VWA5B2: variants seen among roughly 807,000 people sequenced by gnomAD.
VWA5B2 encodes the protein von Willebrand factor A domain-containing protein 5B2.
In VWA5B2, 93 loss-of-function variants were observed where a neutral mutation model predicts 118.5. The ratio of observed to expected loss-of-function variants is 0.79; its 90% CI spans 0.66 to 0.93. The LOEUF (loss-of-function observed/expected upper bound fraction) is 0.93, where lower values mean the gene tolerates loss of function less well. Among genes scored for constraint, VWA5B2 ranks in the 40% least tolerant of loss-of-function variants. VWA5B2 has a pLI of 0.00. For missense variants in VWA5B2, 1,546 were observed against 1,672.8 expected (o/e 0.92, Z 1.32); for synonymous variants, 708 against 716.3 (o/e 0.99, Z 0.19).
chr3:184,240,281 G>A (rs1165854947), intron 16 of VWA5B2: 2 of 433,440 alleles, frequency 4.6e-6, no homozygotes, highest in African/African-American at 4.0e-5. Flanking sequence ...ATCAGATCCA[G>A]AACTGACAAG....
chr3:184,236,680 C>G lies in VWA5B2; in HGVS notation c.1464C>G (p.Leu488=). The G allele has an allele frequency of 6.4e-7, 1 of 1,551,432 alleles. No homozygotes were observed. Among genetic ancestry groups the G allele is most frequent in the South Asian group, 1.2e-5 (1 of 84,050 alleles). The part of the protein sequence containing the change: ...FGLGPTCHQL[L]QGLSALSRGQ... ...TGGGGCCCACCTGCCACCAGCTGCT[C>G]CAGGGTTTATCTGCCCTCAGCAGAG... Residue 488 remains leucine (L), a synonymous_variant, in exon 11 of 20, where the codon CTC becomes CTG. Transcript: ENST00000691901.
rs1326357025 is a variant in VWA5B2 at position 184,237,411 on chromosome 3, G to T, written c.1719G>T (p.Gly573=). 4 of 1,546,828 alleles carry T rather than the reference G, an allele frequency of 2.6e-6. No homozygotes were observed. The highest frequency in any genetic ancestry group is 3.5e-6 in the Non-Finnish European group (4 of 1,143,866). ...RVDGFRSRPP[G]GQEPGWQSSG... Reference sequence around the variant, plus strand: ...ATGGCTTCCGGTCCCGCCCACCAGGGGTAAGCTTGGGCTGGGGTGTGGTAG... The same window carrying T: ...ATGGCTTCCGGTCCCGCCCACCAGGTGTAAGCTTGGGCTGGGGTGTGGTAG... Residue 573 remains glycine, a splice_region_variant and synonymous_variant, in exon 12 of 20, where the codon GGG becomes GGT. Coordinates refer to ENST00000691901, the MANE Select transcript of VWA5B2 (RefSeq NM_001390846.1). This position sits in a 1 kb window ranked among gnomAD's most constrained non-coding sequence, Gnocchi z 5.6.
At chr3:184,230,303 C>G (rs1717246192) in intron 1 of VWA5B2, 77 bp from the exon 2 acceptor site, 1 of 481,350 alleles carries the variant, frequency 2.1e-6, no homozygotes, top group Non-Finnish European at 3.5e-6. Context: ...CCCGGCTGCC[C>G]AGGTAACGCG....
Position 184,233,673 on chromosome 3 carries a change from T to C in VWA5B2, c.628T>C (p.Cys210Arg), listed in dbSNP as rs1717651666. 6.4e-7 allele frequency: 1 copy of C among 1,551,192 alleles called. No individual in the cohort carries two copies. Among genetic ancestry groups the C allele is most frequent in the South Asian group, 1.2e-5 (1 of 84,052 alleles). Residue 210 changes from cysteine to arginine, a missense_variant, in exon 5 of 20, where the codon TGC becomes CGC. Around this residue, in one of 3 missense-constraint regions of VWA5B2, gnomAD observed 775 missense variants for 882.3 expected, o/e 0.88. Transcript: ENST00000691901. The surrounding 1 kb of genome is among the most constrained non-coding windows in gnomAD (Gnocchi z 5.2). ...GGACGTGTTCTCAGGCCCTGCCCGC[T>C]GCCCTGCCCCATATACCTTCTCCTT... ...PRDVFSGPAR[C>R]PAPYTFSFEM...
In VWA5B2 at chr3:184,234,763, C is replaced by T; in HGVS notation, c.945+8C>T. The T allele has an allele frequency of 2.6e-6, 4 of 1,551,188 alleles. No individual in the cohort carries two copies. Among genetic ancestry groups the T allele is most frequent in the Non-Finnish European group, 3.5e-6 (4 of 1,146,972 alleles). ...AGTGATGGGGACCGGCAGGTACCGC[C>T]ATAGGAGCCTGGCCTGGCCCCTGGC... On this transcript the variant is annotated splice_region_variant and intron_variant, in intron 7 of 19. Coordinates refer to ENST00000691901, the MANE Select transcript of VWA5B2 (RefSeq NM_001390846.1).
chr3:184,236,551 G>C lies in VWA5B2; in HGVS notation c.1421G>C (p.Arg474Thr), dbSNP rs1718021366. ...ELMRWHRGTA[R>T]CFSFGLGPTC... ...ATGAGGTGGCACAGGGGGACAGCCA[G>C]GTATGGGATGGGCAGAACCAGATGC... Residue 474 changes from arginine (R) to threonine (T), a missense_variant and splice_region_variant, in exon 10 of 20, where the codon AGA becomes ACA. Arg to Thr is a moderately conservative substitution (Grantham distance 71, BLOSUM62 -1). Coordinates refer to ENST00000691901, the MANE Select transcript of VWA5B2 (RefSeq NM_001390846.1). 10 of 1,550,950 alleles carry C rather than the reference G, an allele frequency of 6.4e-6. No individual in the cohort carries two copies. The highest frequency in any genetic ancestry group is 8.7e-6 in the Non-Finnish European group (10 of 1,146,866).
At position 184,239,952 on chromosome 3, in the gene VWA5B2, C is replaced by T; in HGVS notation, c.2656C>T (p.Leu886Phe). Residue 886 changes from leucine to phenylalanine, a missense_variant, in exon 16 of 20, where the codon CTC becomes TTC. Coordinates refer to ENST00000691901, the MANE Select transcript of VWA5B2 (RefSeq NM_001390846.1). This position sits in a 1 kb window ranked among gnomAD's most constrained non-coding sequence, Gnocchi z 5.1. ...AAGAGAAGCTGCTTGGGACCAAGCA[C>T]TCCATCGGCTGACAGCAGCCTCTGT... ...PVREAAWDQA[L>F]HRLTAASVVR... 1 of 1,550,998 alleles carries T rather than the reference C, an allele frequency of 6.4e-7. No individual in the cohort carries two copies. The highest frequency in any genetic ancestry group is 8.7e-7 in the Non-Finnish European group (1 of 1,146,974).
Position 184,237,440 on chromosome 3 carries a change from G to T in VWA5B2, c.1719+29G>T, listed in dbSNP as rs1047156513. The T allele has an allele frequency of 3.3e-6, 5 of 1,533,764 alleles. No individual in the cohort carries two copies. The highest frequency in any genetic ancestry group is 4.4e-6 in the Non-Finnish European group (5 of 1,134,910). On this transcript the variant is annotated intron_variant, in intron 12 of 19. Coordinates refer to ENST00000691901, the MANE Select transcript of VWA5B2 (RefSeq NM_001390846.1). This position sits in a 1 kb window ranked among gnomAD's most constrained non-coding sequence, Gnocchi z 5.6. ...AGCTTGGGCTGGGGTGTGGTAGGGG[G>T]GCTAGGGTGAGGTAGGGGGGCCTGG...
rs879894993 is a variant in VWA5B2, at chr3:184,241,480, C to T, written c.3181-10C>T. 2.6e-5 allele frequency: 40 copies of T among 1,551,666 alleles called. No individual in the cohort carries two copies. The highest frequency in any genetic ancestry group is 3.0e-5 in the Non-Finnish European group (34 of 1,146,324). On this transcript the variant is annotated splice_polypyrimidine_tract_variant and intron_variant, in intron 19 of 19. Transcript: ENST00000691901. This position sits in a 1 kb window ranked among gnomAD's most constrained non-coding sequence, Gnocchi z 5.1. The stretch of plus-strand genomic sequence containing the variant: ...CAGCTCGCTTCTCCCCCCACCTCCT[C>T]TCTCCTCAGGTGCGGCTGCAGGAGG...
At position 184,238,582 on chromosome 3, in the gene VWA5B2, C is replaced by A; in HGVS notation, c.1911C>A (p.Asp637Glu). Reference protein sequence around the residue: ...DSEQSTDALTDPVTDPGPNPS... With the variant: ...DSEQSTDALTEPVTDPGPNPS... ...CAGCAGGTACTGATGCTCTGACAGA[C>A]CCAGTCACGGATCCTGGACCCAACC... is the stretch of plus-strand genomic sequence containing the variant. Residue 637 changes from aspartate (D) to glutamate (E), a missense_variant, in exon 14 of 20, where the codon GAC becomes GAA. Asp to Glu is a conservative substitution (Grantham distance 45). Coordinates refer to ENST00000691901, the MANE Select transcript of VWA5B2 (RefSeq NM_001390846.1). The surrounding 1 kb of genome is among the most constrained non-coding windows in gnomAD (Gnocchi z 5.0). The A allele has an allele frequency of 6.5e-7, 1 of 1,550,030 alleles. No individual in the cohort carries two copies. Among genetic ancestry groups the A allele is most frequent in the Non-Finnish European group, 8.7e-7 (1 of 1,145,644 alleles).
intron 3 of VWA5B2, 64 bp downstream of exon 3, chr3:184,230,981 G>A: frequency 8.3e-7 from 1 of 1,203,824 alleles, no homozygotes. Flanking sequence ...TCCCGCATCC[G>A]CTCGGCCTCC....
intron 6 of VWA5B2, 44 bp from the exon 7 acceptor site, chr3:184,234,587 A>G (rs1319605732): frequency 1.3e-6 from 2 of 1,544,486 alleles, no homozygotes; most frequent in East Asian, 4.9e-5. Flanking sequence ...CTTGGGGTCC[A>G]GAGGCAGGGC....
rs1263837160 is a variant in VWA5B2, at chr3:184,233,888, C to T, written c.688+155C>T. ...CATCTGGGTTAGTGGTGGGAGCATC[C>T]CCTGGTCACCTCTACCCAACACACA... On this transcript the variant is annotated intron_variant, in intron 5 of 19. Transcript: ENST00000691901. This position sits in a 1 kb window ranked among gnomAD's most constrained non-coding sequence, Gnocchi z 5.2. Among the ~76,000 whole-genome samples, 5 of 152,112 alleles carry T rather than the reference C, an allele frequency of 3.3e-5. No homozygotes were observed. Among genetic ancestry groups the T allele is most frequent in the Admixed American group, 3.3e-4 (5 of 15,280 alleles).
Position 184,241,565 on chromosome 3 carries a change from C to G in VWA5B2, c.3256C>G (p.Arg1086Gly), listed in dbSNP as rs769963358. 2 of 1,548,598 alleles carry G rather than the reference C, an allele frequency of 1.3e-6. No homozygotes were observed. The change falls in exon 20 of 20, where the codon CGC becomes GGC. Residue 1086 changes from arginine to glycine, a missense_variant. Transcript: ENST00000691901. The surrounding 1 kb of genome is among the most constrained non-coding windows in gnomAD (Gnocchi z 5.1). ...FCAAVRISQE[R>G]LCRASPFAVH... ...CGCCGCTGTGCGCATCTCGCAGGAG[C>G]GCCTCTGCCGTGCCTCGCCCTTTGC...
At position 184,238,901 on chromosome 3, in the gene VWA5B2, T is replaced by C; in HGVS notation, c.2202+28T>C. On this transcript the variant is annotated intron_variant, in intron 14 of 19. Coordinates refer to ENST00000691901, the MANE Select transcript of VWA5B2 (RefSeq NM_001390846.1). This position sits in a 1 kb window ranked among gnomAD's most constrained non-coding sequence, Gnocchi z 5.0. The stretch of plus-strand genomic sequence containing the variant: ...GAGATCCAACCCACATTCATTCGCC[T>C]TGTATCCAGCAAATATTTATTTACC... The C allele has an allele frequency of 2.1e-6, 3 of 1,456,508 alleles. No homozygotes were observed. The highest frequency in any genetic ancestry group is 2.7e-6 in the Non-Finnish European group (3 of 1,098,490). The allele number at this position is 1,456,508 out of a possible 1,614,324, so 90.2% of individuals were successfully genotyped here.
At chr3:184,240,122 A>G (rs1006091353) in intron 16 of VWA5B2, 86 bp downstream of exon 16, 3 of 1,074,452 alleles carry the variant, frequency 2.8e-6, no homozygotes, top group Non-Finnish European at 3.9e-6. Flanking sequence ...ATCACTCTCT[A>G]TACCTCGCTT....
rs1322461549 is a variant in VWA5B2, at chr3:184,241,697, C to T, written c.3388C>T (p.Pro1130Ser). The T allele has an allele frequency of 6.6e-7, 1 of 1,515,338 alleles. No homozygotes were observed. Among genetic ancestry groups the T allele is most frequent in the Non-Finnish European group, 8.8e-7 (1 of 1,133,346 alleles). 93.9% of individuals were successfully genotyped at this position (1,515,338 alleles called of 1,614,324 possible). A position where few individuals can be genotyped will look rare whatever the true frequency, so the allele number is the denominator to read the frequency against. The change falls in exon 20 of 20, where the codon CCC (proline) becomes TCC (serine). Residue 1130 changes from proline (P) to serine (S), a missense_variant. Physicochemically the swap from Pro to Ser is moderately conservative, Grantham distance 74 (BLOSUM62 -1). Around this residue, in one of 3 missense-constraint regions of VWA5B2, gnomAD observed 763 missense variants for 766.6 expected, o/e 1.00. Transcript: ENST00000691901. This position sits in a 1 kb window ranked among gnomAD's most constrained non-coding sequence, Gnocchi z 5.1. ...DSATASCSPS[P>S]SSGSEGPGQV... is the part of the protein sequence containing the mutation. ...TGCCACGGCCTCCTGCAGCCCGTCC[C>T]CCAGCTCGGGCTCTGAGGGGCCAGG...
chr3:184,230,740 T>C lies in VWA5B2; in HGVS notation c.140-7T>C, dbSNP rs1253293458. 5 of 1,214,120 alleles carry C rather than the reference T, an allele frequency of 4.1e-6. No individual in the cohort carries two copies. The highest frequency in any genetic ancestry group is 4.1e-6 in the Non-Finnish European group (4 of 977,518). 75.2% of individuals were successfully genotyped at this position (1,214,120 alleles called of 1,614,324 possible). A position where few individuals can be genotyped will look rare whatever the true frequency, so the allele number is the denominator to read the frequency against. Reference sequence around the variant, plus strand: ...GGTCCGACGCCGCCTCCCGCCGCCCTCCCCAGGCGTGTTCGTGTACCCGCT... The same window carrying C: ...GGTCCGACGCCGCCTCCCGCCGCCCCCCCCAGGCGTGTTCGTGTACCCGCT... On this transcript the variant is annotated splice_polypyrimidine_tract_variant and splice_region_variant and intron_variant, in intron 2 of 19. Coordinates refer to ENST00000691901, the MANE Select transcript of VWA5B2 (RefSeq NM_001390846.1).
chr3:184,233,045 A>G lies in VWA5B2; in HGVS notation c.311-133A>G. ...CTCATGCCTCCATCCTGCGTCACCA[A>G]TGCATTAGCCTAGTGCCAACACGCA... On this transcript the variant is annotated intron_variant, in intron 3 of 19. Transcript: ENST00000691901. The surrounding 1 kb of genome is among the most constrained non-coding windows in gnomAD (Gnocchi z 5.2). 3 of 717,982 alleles carry G rather than the reference A, an allele frequency of 4.2e-6. No individual in the cohort carries two copies. Among genetic ancestry groups the G allele is most frequent in the South Asian group, 3.7e-5 (2 of 54,036 alleles). The allele number at this position is 717,982 out of a possible 1,614,324, so 44.5% of individuals were successfully genotyped here.
Sources: allele counts gnomAD v4.1 joint callset (sites outside exome capture counted in the v4.1 genomes callset), GRCh38; gene constraint gnomAD v4.1.1; regional missense constraint gnomAD v4.1.1; non-coding constraint Gnocchi (gnomAD v3.1); transcripts MANE v1.5; gene names NCBI Gene and HGNC (gene_info 2026-07-23, HGNC 2026-07-21).